TBC1D19: variants seen among roughly 807,000 people sequenced by gnomAD.
TBC1D19 encodes the protein TBC1 domain family, member 19.
In TBC1D19, 60 loss-of-function variants were observed where a neutral mutation model predicts 89.0. That is an observed-to-expected ratio of 0.67 (90% CI 0.55 to 0.84). TBC1D19 has a LOEUF of 0.84. TBC1D19 is among the 40% of genes least tolerant of loss of function. TBC1D19 has a pLI of 0.00. For missense variants in TBC1D19, 500 were observed against 610.8 expected (o/e 0.82, Z 1.91); for synonymous variants, 189 against 199.7 (o/e 0.95, Z 0.45).
At chr4:26,837,140 T>C in the TBC1D19 span, among the ~76,000 whole-genome samples, 1 of 152,070 alleles carries the variant, frequency 6.6e-6, no homozygotes, top group African/African-American at 2.4e-5. Flanking sequence ...GCATAGTGAA[T>C]GAATAGGAGA....
At chr4:26,762,490 A>G in the TBC1D19 span, among the ~76,000 whole-genome samples, 1 of 152,208 alleles carries the variant, frequency 6.6e-6, no homozygotes, top group Non-Finnish European at 1.5e-5. Context: ...TTGCTTTTTC[A>G]GTATCAAATG....
chr4:26,597,300 C>G (rs1740287070), intron 1 of TBC1D19, among the ~76,000 whole-genome samples: 1 of 152,170 alleles, frequency 6.6e-6, no homozygotes, highest in Non-Finnish European at 1.5e-5. Context: ...GGTTTAACCT[C>G]TTAATCGTTC....
At chr4:26,733,165 T>C (rs1183976955) in intron 15 of TBC1D19, among the ~76,000 whole-genome samples, 1 of 152,224 alleles carries the variant, frequency 6.6e-6, no homozygotes, top group Non-Finnish European at 1.5e-5. Flanking sequence ...ATGGTTGGCC[T>C]GGCATACCAG....
chr4:26,676,092 T>C (rs1011418623), intron 11 of TBC1D19, among the ~76,000 whole-genome samples: 1 of 152,246 alleles, frequency 6.6e-6, no homozygotes, highest in Non-Finnish European at 1.5e-5. Context: ...CTCTAGGTAC[T>C]TGCTTACTGA....
At chr4:26,727,345 C>T (rs1051826393) in intron 15 of TBC1D19, among the ~76,000 whole-genome samples, 37 of 152,210 alleles carry the variant, frequency 2.4e-4, no homozygotes, top group African/African-American at 8.7e-4. Flanking sequence ...GAATCTGACT[C>T]GTCCTTCAAC....
rs371621666 is a variant in TBC1D19, at chr4:26,696,629, G to A, written c.954+8222G>A. Among the ~76,000 whole-genome samples, 49 of 152,230 alleles carry A rather than the reference G, an allele frequency of 3.2e-4. No homozygotes were observed. The East Asian group carries it at 7.9e-3, about 25-fold the overall frequency. On this transcript the variant is annotated intron_variant, in intron 13 of 20. Transcript: ENST00000264866. ...GGAAGTAAAGCACTCCTCAGCAAAC[G>A]TAAAAGAACAGAAATTATAACAAAC...
At chr4:26,735,223 CAATATT>C (rs959302734) in intron 15 of TBC1D19, among the ~76,000 whole-genome samples, 4 of 151,444 alleles carry the variant, frequency 2.6e-5, no homozygotes, top group Non-Finnish European at 5.9e-5. Context: ...TTTGATTTCT[CAATATT>C]AATAGAATGT....
the TBC1D19 span, among the ~76,000 whole-genome samples, chr4:26,767,836 A>T: frequency 0.043 from 6,546 of 152,286 alleles, 486 homozygotes; most frequent in African/African-American, 0.15. Context: ...ACAAAATAAT[A>T]GTTCTCAAGA....
chr4:26,578,903 A>AATTT (rs1391140308), intron 1 of TBC1D19, among the ~76,000 whole-genome samples: 1 of 152,202 alleles, frequency 6.6e-6, no homozygotes, highest in Non-Finnish European at 1.5e-5. Flanking sequence ...AGTTGAAAGC[A>AATTT]ATTTATGAGC....
intron 7 of TBC1D19, among the ~76,000 whole-genome samples, chr4:26,656,092 A>C (rs547023804): frequency 3.3e-5 from 5 of 152,148 alleles, no homozygotes; most frequent in African/African-American, 7.2e-5. Flanking sequence ...AATTATTATT[A>C]TTCTGTCTTG....
the TBC1D19 span, among the ~76,000 whole-genome samples, chr4:26,807,805 T>C: frequency 6.6e-6 from 1 of 152,168 alleles, no homozygotes; most frequent in Non-Finnish European, 1.5e-5. Flanking sequence ...GATAGGACAA[T>C]GCAGACATAA....
At chr4:26,637,562 C>T (rs964418538) in intron 5 of TBC1D19, among the ~76,000 whole-genome samples, 4 of 151,958 alleles carry the variant, frequency 2.6e-5, no homozygotes, top group Non-Finnish European at 5.9e-5. Flanking sequence ...TTGATAGAGA[C>T]GGGGTTTCAC....
chr4:26,793,531 C>G, the TBC1D19 span, among the ~76,000 whole-genome samples: 1 of 152,122 alleles, frequency 6.6e-6, no homozygotes, highest in East Asian at 1.9e-4. Flanking sequence ...TCGAGACCAG[C>G]CTGGCCAACA....
At chr4:26,829,065 A>G in the TBC1D19 span, among the ~76,000 whole-genome samples, 3 of 152,254 alleles carry the variant, frequency 2.0e-5, no homozygotes, top group Non-Finnish European at 4.4e-5. Context: ...GATGCCCAGA[A>G]CTCAAGATTG....
rs1240506323 is a variant in TBC1D19 at position 26,620,685 on chromosome 4, AC to A, written c.292del (p.Gln98ArgfsTer9). The A allele has an allele frequency of 6.2e-7, 1 of 1,613,376 alleles. No individual in the cohort carries two copies. The highest frequency in any genetic ancestry group is 8.5e-7 in the Non-Finnish European group (1 of 1,179,718). ...KEPLVYMRKA[Q>X]GSWEKRILKS... is the part of the protein sequence containing the mutation. The stretch of plus-strand genomic sequence containing the variant: ...AACCTTTGGTATACATGAGGAAAGC[AC>A]AGGTTGGCTATTGTTCAATTTCATT... On this transcript the variant is annotated frameshift_variant and splice_region_variant, in exon 4 of 21. Coordinates refer to ENST00000264866, the MANE Select transcript of TBC1D19 (RefSeq NM_018317.4). LOFTEE classifies it high-confidence loss of function.
At chr4:26,685,363 A>AT (rs1300195808) in intron 12 of TBC1D19, among the ~76,000 whole-genome samples, 4 of 151,862 alleles carry the variant, frequency 2.6e-5, no homozygotes, top group Admixed American at 6.6e-5. Flanking sequence ...AGCTGAAGAC[A>AT]TTTTTTTTCC....
At chr4:26,659,745 G>A in intron 8 of TBC1D19, 38 bp downstream of exon 8, 1 of 1,356,964 alleles carries the variant, frequency 7.4e-7, no homozygotes, top group Non-Finnish European at 1.0e-6. Flanking sequence ...TCATTTAGAA[G>A]ATAACCATTA....
chr4:26,754,844 TTAA>T (rs1301769262), intron 20 of TBC1D19, 26 bp from the exon 21 acceptor site: 4 of 1,546,048 alleles, frequency 2.6e-6, no homozygotes, highest in African/African-American at 1.4e-5. Flanking sequence ...CGCTTTGCTA[TTAA>T]TAATTCTTTT....
chr4:26,827,600 T>TCAAAA, the TBC1D19 span, among the ~76,000 whole-genome samples: 3 of 151,994 alleles, frequency 2.0e-5, no homozygotes, highest in African/African-American at 2.4e-5. Flanking sequence ...CAAGACTGTC[T>TCAAAA]CAAAACAAAA....
Sources: gnomAD v4.1 joint callset for allele counts (sites outside exome capture counted in the v4.1 genomes callset) on GRCh38, gnomAD v4.1.1 for gene constraint, MANE v1.5 for transcripts, NCBI Gene and HGNC (gene_info 2026-07-23, HGNC 2026-07-21) for gene names.